The following SLC4A4 variants were observed in gnomAD, a reference collection of about 807,000 sequenced individuals.
SLC4A4 encodes electrogenic sodium bicarbonate cotransporter 1.
A neutral mutation model predicts 111.5 loss-of-function variants in SLC4A4; 27 were observed. That is an observed-to-expected ratio of 0.24 (90% CI 0.18 to 0.33). The LOEUF (loss-of-function observed/expected upper bound fraction) is 0.33, where lower values mean the gene tolerates loss of function less well. SLC4A4 is among the 10% of genes least tolerant of loss of function. The pLI is 1.00. For synonymous variants in SLC4A4, 443 were observed against 463.4 expected (o/e 0.96, Z 0.57); for missense variants, 909 against 1,315.5 (o/e 0.69, Z 4.78).
intron 1 of SLC4A4, among the ~76,000 whole-genome samples, chr4:71,205,948 A>G (rs548203542): frequency 1.1e-4 from 17 of 152,344 alleles, no homozygotes; most frequent in African/African-American, 4.1e-4. Flanking sequence ...GGATAAGGCA[A>G]CTTTAATTGT....
chr4:71,489,791 GAA>G (rs35967358), intron 15 of SLC4A4, among the ~76,000 whole-genome samples: 1 of 151,656 alleles, frequency 6.6e-6, no homozygotes, highest in Non-Finnish European at 1.5e-5. Flanking sequence ...GAAGGTACAG[GAA>G]AAGTGACATG....
At chr4:71,318,353 AACC>A (rs1480776273) in intron 3 of SLC4A4, among the ~76,000 whole-genome samples, 2 of 152,088 alleles carry the variant, frequency 1.3e-5, no homozygotes, top group African/African-American at 4.8e-5. Context: ...TAGGCAAATT[AACC>A]AATTGTCATT....
chr4:71,450,935 C>A (rs761849512), intron 10 of SLC4A4, among the ~76,000 whole-genome samples: 4 of 152,144 alleles, frequency 2.6e-5, no homozygotes, highest in Non-Finnish European at 5.9e-5. Context: ...TTCTAGAAAT[C>A]TATTTTTTCC....
rs543775290 is a variant in SLC4A4 at position 71,277,670 on chromosome 4, C to T, written c.253+22271C>T. Among the ~76,000 whole-genome samples the T allele has an allele frequency of 4.1e-3, 604 of 146,462 alleles. 5 individuals are homozygous for T. The highest frequency in any genetic ancestry group is 0.015 in the African/African-American group (580 of 39,652). On this transcript the variant is annotated intron_variant, in intron 3 of 25. Transcript: ENST00000264485. ...TCTCTCTCCTTCTTTCTCTGTTTTT[C>T]TTTCTCTTTTTCTCTCGCTCTGTCT...
Position 71,451,186 on chromosome 4 carries a change from A to G in SLC4A4, c.1209-2A>G. 1 of 1,579,590 alleles carries G rather than the reference A, an allele frequency of 6.3e-7. No individual in the cohort carries two copies. The highest frequency in any genetic ancestry group is 8.7e-7 in the Non-Finnish European group (1 of 1,148,558). The stretch of plus-strand genomic sequence containing the variant: ...ACTCTTGGGCTCTGTTGTCTTGCTT[A>G]GAAAGAATATGTACTCAGGTGGAGA... On this transcript the variant is annotated splice_acceptor_variant, in intron 10 of 25. Transcript: ENST00000264485. LOFTEE classifies it high-confidence loss of function.
chr4:71,523,367 A>C (rs916117779), intron 16 of SLC4A4, among the ~76,000 whole-genome samples: 1 of 152,178 alleles, frequency 6.6e-6, no homozygotes, highest in Non-Finnish European at 1.5e-5. Flanking sequence ...TTTTCTTAAG[A>C]ATGACAAAGG....
At chr4:71,424,574 A>G (rs943323933) in intron 7 of SLC4A4, among the ~76,000 whole-genome samples, 7 of 152,124 alleles carry the variant, frequency 4.6e-5, no homozygotes, top group African/African-American at 1.4e-4. Flanking sequence ...CACAATAGCA[A>G]AGACTTGGAA....
intron 2 of SLC4A4, among the ~76,000 whole-genome samples, chr4:71,125,649 T>A (rs2148958963): frequency 6.6e-6 from 1 of 152,362 alleles, no homozygotes; most frequent in East Asian, 1.9e-4. Context: ...GGAATTCATC[T>A]TATATTTAAT....
At chr4:71,459,781 A>G (rs6816549) in intron 12 of SLC4A4, among the ~76,000 whole-genome samples, 32,024 of 152,008 alleles carry the variant, frequency 0.21, 3,783 homozygotes, top group South Asian at 0.42. Flanking sequence ...TCATATGTCT[A>G]CCAATAACGG....
intron 6 of SLC4A4, among the ~76,000 whole-genome samples, chr4:71,379,672 C>A (rs1717918677): frequency 6.6e-6 from 1 of 152,110 alleles, no homozygotes; most frequent in Non-Finnish European, 1.5e-5. Context: ...GTTTTGTATT[C>A]TTGGTGCCAA....
At chr4:71,437,585 G>C (rs4388053) in intron 7 of SLC4A4, 2 of 522,918 alleles carry the variant, frequency 3.8e-6, no homozygotes, top group Non-Finnish European at 3.9e-6. Flanking sequence ...CCATGTTGAA[G>C]ATCCGTTGTC....
intron 3 of SLC4A4, among the ~76,000 whole-genome samples, chr4:71,334,848 C>T (rs1578860672): frequency 6.6e-6 from 1 of 152,164 alleles, no homozygotes; most frequent in East Asian, 1.9e-4. Flanking sequence ...GAGTAATGCT[C>T]TGTGGAGGAG....
intron 6 of SLC4A4, among the ~76,000 whole-genome samples, chr4:71,382,383 A>C (rs1718235997): frequency 6.6e-6 from 1 of 152,146 alleles, no homozygotes; most frequent in African/African-American, 2.4e-5. Context: ...TTCTAAGCTA[A>C]GCCTGGGAAC....
chr4:71,282,586 ATT>A (rs529921131), intron 3 of SLC4A4, among the ~76,000 whole-genome samples: 1 of 142,020 alleles, frequency 7.0e-6, no homozygotes, highest in Non-Finnish European at 1.5e-5. Context: ...CACCCAGCTG[ATT>A]TTTTTTTTTT....
chr4:71,121,185 G>A (rs1040955535), intron 2 of SLC4A4, among the ~76,000 whole-genome samples: 2 of 152,154 alleles, frequency 1.3e-5, no homozygotes, highest in Admixed American at 6.5e-5. Context: ...AGGACCTGCA[G>A]CCTGCCATGC....
At chr4:71,190,677 C>A (rs536680512) in intron 1 of SLC4A4, among the ~76,000 whole-genome samples, 22 of 152,142 alleles carry the variant, frequency 1.4e-4, no homozygotes, top group Non-Finnish European at 1.8e-4. Context: ...AAAATTGTGC[C>A]CATAAAATTG....
At chr4:71,333,592 C>T (rs1159583266) in intron 3 of SLC4A4, among the ~76,000 whole-genome samples, 1 of 152,244 alleles carries the variant, frequency 6.6e-6, no homozygotes, top group Non-Finnish European at 1.5e-5. Context: ...TGTGGTGAAT[C>T]CAGCCAGGCT....
chr4:71,139,642 C>T (rs922443323), intron 2 of SLC4A4, among the ~76,000 whole-genome samples: 5 of 152,174 alleles, frequency 3.3e-5, no homozygotes, highest in Non-Finnish European at 5.9e-5. Flanking sequence ...CTTCCAGATT[C>T]GTATAGTTTG....
chr4:71,470,442 A>G (rs1364170017), intron 13 of SLC4A4, among the ~76,000 whole-genome samples: 1 of 152,094 alleles, frequency 6.6e-6, no homozygotes, highest in African/African-American at 2.4e-5. Context: ...GCTAAATACA[A>G]ATCAGATGGG....
Sources: allele counts gnomAD v4.1 joint callset (sites outside exome capture counted in the v4.1 genomes callset), GRCh38; gene constraint gnomAD v4.1.1; transcripts MANE v1.5; gene names NCBI Gene and HGNC (gene_info 2026-07-23, HGNC 2026-07-21).